The following PHTF2 variants were observed in gnomAD, a reference collection of about 807,000 sequenced individuals.
PHTF2 encodes protein PHTF2.
Under a neutral mutation model 101.2 loss-of-function variants are expected in PHTF2, and 60 were observed. The observed-to-expected ratio is 0.59, with a 90% CI of 0.48 to 0.73. The LOEUF (loss-of-function observed/expected upper bound fraction) is 0.73. Among genes scored for constraint, PHTF2 ranks in the 30% least tolerant of loss-of-function variants. The probability of loss-of-function intolerance (pLI) is 0.00; values close to 1 mark genes in which losing one functional copy is unlikely to be tolerated. For synonymous variants in PHTF2, 311 were observed against 307.3 expected, an observed-to-expected ratio of 1.01 and a Z score of -0.13; for missense variants, 747 against 908.7, an observed-to-expected ratio of 0.82 and a Z score of 2.29.
exon 20 of PHTF2, chr7:77,956,927 A>T (rs542142058): frequency 1.4e-4 from 21 of 152,338 alleles, no homozygotes; most frequent in African/African-American, 4.6e-4. Flanking sequence ...AACAGTTTAT[A>T]AATAATATGT....
At chr7:77,940,803 T>C (rs1289172995) in intron 15 of PHTF2, 144 bp downstream of exon 14, 9 of 542,496 alleles carry the variant, frequency 1.7e-5, no homozygotes, top group Non-Finnish European at 2.2e-5. Flanking sequence ...TTGTTTCTAC[T>C]AGCCTGGTTG....
rs35896422 is a variant in PHTF2, at chr7:77,949,554, ATAAT to A, written c.1960-119_1960-116del. 8.1e-3 allele frequency: 4,859 copies of A among 596,872 alleles called. 43 individuals carry two copies. Among genetic ancestry groups the A allele is most frequent in the Non-Finnish European group, 0.012 (4,044 of 345,504 alleles). The allele number at this position is 596,872 out of a possible 1,614,324, so 37.0% of individuals were successfully genotyped here. On this transcript the variant is annotated intron_variant, in intron 16 of 19. Transcript: ENST00000416283. ...ACTTTTGATATGCTTAAAATATTTC[ATAAT>A]TAATGTAGAATGTTTCTAAAATGTA...
At chr7:77,927,170 AAAAAAAAATAT>A (rs1407207206) in intron 11 of PHTF2, among the ~76,000 whole-genome samples, 5 of 92,102 alleles carry the variant, frequency 5.4e-5, no homozygotes, top group African/African-American at 1.9e-4. Flanking sequence ...AAAAAAAAAA[AAAAAAAAATAT>A]ATATATATAT....
chr7:77,925,502 T>G (rs1427121203), intron 11 of PHTF2, among the ~76,000 whole-genome samples: 1 of 95,362 alleles, frequency 1.0e-5, no homozygotes, highest in Non-Finnish European at 1.9e-5. Flanking sequence ...AGGGTTTTTT[T>G]TTTTTTTTTT....
At chr7:77,834,221 G>T (rs569689679) in intron 1 of PHTF2, among the ~76,000 whole-genome samples, 2 of 149,220 alleles carry the variant, frequency 1.3e-5, no homozygotes, top group South Asian at 2.1e-4. Flanking sequence ...GGCTGAGGCA[G>T]AAGGATCACT....
chr7:77,943,279 C>A (rs534512829), intron 16 of PHTF2, among the ~76,000 whole-genome samples: 1 of 152,182 alleles, frequency 6.6e-6, no homozygotes, highest in Non-Finnish European at 1.5e-5. Flanking sequence ...CACCACCACA[C>A]CCGGCTAATT....
At chr7:77,905,623 A>G (rs1023080212) in intron 7 of PHTF2, among the ~76,000 whole-genome samples, 1 of 151,566 alleles carries the variant, frequency 6.6e-6, no homozygotes, top group African/African-American at 2.4e-5. Flanking sequence ...CTCTACCTCC[A>G]TAGCTGGAAC....
chr7:77,815,401 A>G (rs997668151), intron 1 of PHTF2, among the ~76,000 whole-genome samples: 1 of 152,244 alleles, frequency 6.6e-6, no homozygotes, highest in Non-Finnish European at 1.5e-5. Flanking sequence ...ATTCCATCAT[A>G]TTTATGATGG....
At chr7:77,844,774 C>T (rs1040518669) in intron 2 of PHTF2, among the ~76,000 whole-genome samples, 2 of 152,202 alleles carry the variant, frequency 1.3e-5, no homozygotes, top group African/African-American at 4.8e-5. Context: ...ATTTGCCCAC[C>T]GTAGCCTCCT....
At chr7:77,819,661 G>A (rs909600588) in intron 1 of PHTF2, among the ~76,000 whole-genome samples, 1 of 152,254 alleles carries the variant, frequency 6.6e-6, no homozygotes, top group East Asian at 1.9e-4. Flanking sequence ...ATTTTTATGT[G>A]TATGTGCATC....
At chr7:77,814,049 A>G (rs1584369566) in intron 1 of PHTF2, among the ~76,000 whole-genome samples, 1 of 152,204 alleles carries the variant, frequency 6.6e-6, no homozygotes, top group African/African-American at 2.4e-5. Flanking sequence ...CTCTGTAACC[A>G]TAGGAGGAGA....
rs34141515 is a variant in PHTF2, at chr7:77,809,224, G to GTTTTTTTTTTTTT, written c.-36+10261_-36+10273dup. Among the ~76,000 whole-genome samples the GTTTTTTTTTTTTT allele has an allele frequency of 6.6e-3, 650 of 98,454 alleles. 32 individuals are homozygous for GTTTTTTTTTTTTT. The highest frequency in any genetic ancestry group is 7.6e-3 in the African/African-American group (170 of 22,348). 64.6% of individuals were successfully genotyped at this position (98,454 alleles called of 152,430 possible). ...TTTTCCTATATAAACCCAGTTCGTTGTTTTTTTTTTTTTTTTTTTTGAGAT... is the reference window on the plus strand; with the variant it reads ...TTTTCCTATATAAACCCAGTTCGTTGTTTTTTTTTTTTTTTTTTTTTTTTTTTTTTTTTGAGAT... On this transcript the variant is annotated intron_variant, in intron 1 of 19. Transcript: ENST00000416283.
At chr7:77,908,917 A>C in exon 8 of PHTF2, 1 of 1,613,314 alleles carries the variant, frequency 6.2e-7, no homozygotes, top group South Asian at 1.1e-5. Flanking sequence ...TTTCCACAAG[A>C]ACACCCAAAC....
chr7:77,913,007 A>G (rs1337761252), intron 9 of PHTF2, among the ~76,000 whole-genome samples: 1 of 152,122 alleles, frequency 6.6e-6, no homozygotes, highest in Non-Finnish European at 1.5e-5. Flanking sequence ...GAAACAAGAC[A>G]TAGTATTTTT....
intron 1 of PHTF2, among the ~76,000 whole-genome samples, chr7:77,821,147 T>C (rs148035834): frequency 5.6e-4 from 85 of 152,176 alleles, no homozygotes; most frequent in South Asian, 1.7e-3. Flanking sequence ...TTCTTTTCAA[T>C]ATTTTGAATA....
chr7:77,837,854 A>G (rs1195014241), intron 1 of PHTF2, among the ~76,000 whole-genome samples: 1 of 152,148 alleles, frequency 6.6e-6, no homozygotes, highest in East Asian at 1.9e-4. Context: ...TATATTAAAT[A>G]TCTGATATGT....
intron 2 of PHTF2, among the ~76,000 whole-genome samples, chr7:77,843,113 A>T (rs1796013472): frequency 6.6e-6 from 1 of 152,138 alleles, no homozygotes; most frequent in Non-Finnish European, 1.5e-5. Flanking sequence ...TTGACTTCTG[A>T]CTATATGATT....
At chr7:77,822,539 G>T (rs1271219686) in intron 1 of PHTF2, among the ~76,000 whole-genome samples, 2 of 152,198 alleles carry the variant, frequency 1.3e-5, no homozygotes, top group Non-Finnish European at 2.9e-5. Context: ...TGGGCTTGGG[G>T]CTTGCAAGGA....
In PHTF2 at chr7:77,954,624, A is replaced by ATATATG. The variant is rs1806847294; in HGVS notation, c.2338-229_2338-228insGTATAT. Among the ~76,000 whole-genome samples, 7 of 141,888 alleles carry ATATATG rather than the reference A, an allele frequency of 4.9e-5. 1 individual carries two copies. Among genetic ancestry groups the ATATATG allele is most frequent in the African/African-American group, 1.6e-4 (6 of 37,900 alleles). The allele number at this position is 141,888 out of a possible 152,430, so 93.1% of individuals were successfully genotyped here. On this transcript the variant is annotated intron_variant, in intron 19 of 19. Transcript: ENST00000416283. ...AAACAAGTACTGTGTATATATATAT[A>ATATATG]TATATATATATATATATATATAGCC... is the stretch of plus-strand genomic sequence containing the variant.
Sources: gnomAD v4.1 joint callset for allele counts (sites outside exome capture counted in the v4.1 genomes callset) on GRCh38, gnomAD v4.1.1 for gene constraint, MANE v1.5 for transcripts, NCBI Gene and HGNC (gene_info 2026-07-23, HGNC 2026-07-21) for gene names.